SPATA6L: variants seen among roughly 807,000 people sequenced by gnomAD.
SPATA6L encodes the protein spermatogenesis associated 6-like protein.
Under a neutral mutation model 49.2 loss-of-function variants are expected in SPATA6L, and 68 were observed. That is an observed-to-expected ratio of 1.38 (90% confidence interval 1.14 to 1.69). SPATA6L has a LOEUF of 1.69. Ranked by LOEUF, SPATA6L falls within the 40% of genes most tolerant of loss-of-function variation. The pLI, the probability that SPATA6L is intolerant of heterozygous loss-of-function variation, is 0.00. For synonymous variants in SPATA6L, 198 were observed against 165.7 expected (o/e 1.19, Z -1.50); for missense variants, 668 against 464.3 (o/e 1.44, Z -4.03).
At chr9:4,664,836 A>T (rs2295962) in intron 1 of SPATA6L, 29,550 of 167,134 alleles carry the variant, frequency 0.18, 2,667 homozygotes, top group Middle Eastern at 0.22. Context: ...CCATGCCTCA[A>T]AATCAAATCA....
intron 9 of SPATA6L, among the ~76,000 whole-genome samples, chr9:4,605,798 T>C (rs985481553): frequency 6.6e-6 from 1 of 152,218 alleles, no homozygotes; most frequent in Admixed American, 6.5e-5. Flanking sequence ...AATCCGGTTT[T>C]CGGGGAGAGC....
At chr9:4,615,071 C>T (rs1280134914) in intron 9 of SPATA6L, among the ~76,000 whole-genome samples, 1 of 152,164 alleles carries the variant, frequency 6.6e-6, no homozygotes, top group Non-Finnish European at 1.5e-5. Context: ...TGACAGTGCC[C>T]CTGCCTCCCA....
intron 2 of SPATA6L, 68 bp downstream of exon 2, chr9:4,661,831 C>T (rs1260889718): frequency 1.9e-6 from 3 of 1,560,888 alleles, no homozygotes; most frequent in Non-Finnish European, 2.6e-6. Context: ...GCTGTAAGAA[C>T]TCTGTTCTTT....
chr9:4,623,837 A>C (rs1393548336), intron 6 of SPATA6L, among the ~76,000 whole-genome samples: 1 of 152,250 alleles, frequency 6.6e-6, no homozygotes, highest in Non-Finnish European at 1.5e-5. Flanking sequence ...TATATTTTCA[A>C]TGAAATGAAA....
In SPATA6L at chr9:4,599,905, T is replaced by A; in HGVS notation, c.*906A>T. ...TATGAAGGAGGGAAATAAGTTTCCA[T>A]TTTCAGGCCCCTCTTCTCTGGGTCT... On this transcript the variant is annotated 3_prime_UTR_variant, in exon 12 of 12. Coordinates refer to ENST00000682582, the MANE Select transcript of SPATA6L (RefSeq NM_001353486.2). Among the ~76,000 whole-genome samples, 1 of 152,176 alleles carries A rather than the reference T, an allele frequency of 6.6e-6. No homozygotes were observed. Among genetic ancestry groups the A allele is most frequent in the African/African-American group, 2.4e-5 (1 of 41,434 alleles).
In SPATA6L at chr9:4,625,502, G is replaced by A; in HGVS notation, c.494C>T (p.Thr165Ile). ...ATTCTCCTTTAGTTTCATCTTTATA[G>A]TATTTAAGGGAAATATTGGTTCATG... ...TSHEPIFPLN[T>I]IKMKLKENNL... The change falls in exon 6 of 12, where the codon ACT (threonine) becomes ATT (isoleucine). Residue 165 changes from threonine (T) to isoleucine (I), a missense_variant. Physicochemically the swap from Thr to Ile is moderately conservative, Grantham distance 89. Coordinates refer to ENST00000682582, the MANE Select transcript of SPATA6L (RefSeq NM_001353486.2). 1.9e-6 allele frequency: 3 copies of A among 1,613,590 alleles called. No homozygotes were observed. The highest frequency in any genetic ancestry group is 2.2e-5 in the East Asian group (1 of 44,852).
At chr9:4,625,589 AT>A (rs34685950) in intron 5 of SPATA6L, 23 bp from the exon 6 acceptor site, 2 of 1,430,210 alleles carry the variant, frequency 1.4e-6, no homozygotes, top group Non-Finnish European at 1.9e-6. Context: ...AAAAAAGAAT[AT>A]TTTTTAAAAT....
At chr9:4,643,550 C>T (rs774512376) in intron 3 of SPATA6L, among the ~76,000 whole-genome samples, 1 of 152,058 alleles carries the variant, frequency 6.6e-6, no homozygotes, top group African/African-American at 2.4e-5. Context: ...TTATGGATAA[C>T]ACCACCACTA....
chr9:4,608,710 A>G (rs1402550325), intron 9 of SPATA6L, among the ~76,000 whole-genome samples: 1 of 151,074 alleles, frequency 6.6e-6, no homozygotes, highest in African/African-American at 2.5e-5. Flanking sequence ...TCCAAAATTG[A>G]CACTCTAACA....
Position 4,662,755 on chromosome 9 carries a change from G to A in SPATA6L, c.40-719C>T. On this transcript the variant is annotated intron_variant, in intron 1 of 11. Transcript: ENST00000682582. This position sits in a 1 kb window ranked among gnomAD's most constrained non-coding sequence, Gnocchi z 4.9. ...GTGTGCGCGGGAGAGAGCTCGTCGT[G>A]GGGCAGCGTGCGACCCCTTATGAAG... 1 of 1,604,122 alleles carries A rather than the reference G, an allele frequency of 6.2e-7. No homozygotes were observed. The highest frequency in any genetic ancestry group is 8.5e-7 in the Non-Finnish European group (1 of 1,179,928).
intron 1 of SPATA6L, chr9:4,664,461 A>G (rs1003848793): frequency 6.0e-6 from 1 of 167,062 alleles, no homozygotes; most frequent in African/African-American, 2.4e-5. Context: ...TAAAACTCCA[A>G]AATTTCTGTT....
intron 7 of SPATA6L, among the ~76,000 whole-genome samples, chr9:4,620,215 C>G (rs1023856811): frequency 3.7e-4 from 56 of 151,924 alleles, no homozygotes; most frequent in Admixed American, 3.3e-4. Flanking sequence ...ACCTCCTTCT[C>G]ATAACCTCCT....
chr9:4,593,836 C>G (rs1822060047), downstream of SPATA6L, among the ~76,000 whole-genome samples: 1 of 152,216 alleles, frequency 6.6e-6, no homozygotes. Context: ...GTAACCTCCT[C>G]CTGCTGCTCC....
downstream of SPATA6L, among the ~76,000 whole-genome samples, chr9:4,595,986 G>A (rs1564082447): frequency 6.6e-6 from 1 of 152,096 alleles, no homozygotes; most frequent in Non-Finnish European, 1.5e-5. Flanking sequence ...GGGAGGATGG[G>A]GTGTTACATG....
intron 5 of SPATA6L, chr9:4,627,329 A>G (rs915280676): frequency 3.1e-5 from 5 of 160,692 alleles, no homozygotes; most frequent in African/African-American, 1.2e-4. Flanking sequence ...AGGCAAAACT[A>G]AAAAGCAGAT....
chr9:4,645,210 T>C (rs918372006), intron 3 of SPATA6L, among the ~76,000 whole-genome samples: 1 of 152,182 alleles, frequency 6.6e-6, no homozygotes, highest in Non-Finnish European at 1.5e-5. Flanking sequence ...ATATACCCCA[T>C]TCCCAGGTAT....
rs527772109 is a variant in SPATA6L, at chr9:4,637,861, G to A, written c.227-2462C>T. On this transcript the variant is annotated intron_variant, in intron 3 of 11. Coordinates refer to ENST00000682582, the MANE Select transcript of SPATA6L (RefSeq NM_001353486.2). ...CTCAATAAGCATTAGCTACCCTCTT[G>A]GAGACTCAGTTTCCACACTGTTAAA... Among the ~76,000 whole-genome samples the A allele has an allele frequency of 1.8e-4, 27 of 152,090 alleles. 1 individual carries two copies. The highest frequency in any genetic ancestry group is 8.8e-5 in the Non-Finnish European group (6 of 68,008).
chr9:4,651,810 T>C (rs935176008), intron 3 of SPATA6L, among the ~76,000 whole-genome samples: 4 of 152,192 alleles, frequency 2.6e-5, no homozygotes, highest in African/African-American at 7.2e-5. Context: ...CAACCTGATA[T>C]AGAGCACTTA....
intron 9 of SPATA6L, among the ~76,000 whole-genome samples, chr9:4,605,983 G>T: frequency 6.6e-6 from 1 of 152,152 alleles, no homozygotes. Context: ...GCAGGGCGAG[G>T]CATTGCCTCA....
Sources: allele counts gnomAD v4.1 joint callset (sites outside exome capture counted in the v4.1 genomes callset), GRCh38; gene constraint gnomAD v4.1.1; non-coding constraint Gnocchi (gnomAD v3.1); transcripts MANE v1.5; gene names NCBI Gene and HGNC (gene_info 2026-07-23, HGNC 2026-07-21).